Variants in THUMPD2 observed in about 807,000 individuals in gnomAD.
The protein encoded by THUMPD2 is THUMP domain 2 tRNA and snRNA guanosine methyltransferase.
In THUMPD2, 56 loss-of-function variants were observed where a neutral mutation model predicts 49.4. The ratio of observed to expected loss-of-function variants is 1.13; its 90% CI spans 0.91 to 1.41. The LOEUF is 1.41. Among genes scored for constraint, THUMPD2 ranks in the 40% most tolerant of loss-of-function variants. The pLI, the probability that THUMPD2 is intolerant of heterozygous loss-of-function variation, is 0.00. For synonymous variants in THUMPD2, 237 were observed against 205.2 expected (o/e 1.15, Z -1.32); for missense variants, 709 against 594.5 (o/e 1.19, Z -2.00).
At chr2:39,775,848 T>C (rs1210747625) in intron 1 of THUMPD2, among the ~76,000 whole-genome samples, 2 of 151,148 alleles carry the variant, frequency 1.3e-5, no homozygotes, top group Non-Finnish European at 2.9e-5. Flanking sequence ...AATTATTCCA[T>C]TAAATGAAAA....
intron 6 of THUMPD2, among the ~76,000 whole-genome samples, chr2:39,756,739 G>T (rs528415731): frequency 6.6e-6 from 1 of 151,986 alleles, no homozygotes; most frequent in East Asian, 1.9e-4. Flanking sequence ...ACAATTATAC[G>T]GTAACAATCA....
At chr2:39,769,265 A>T (rs1349164743) in intron 3 of THUMPD2, 1 of 307,598 alleles carries the variant, frequency 3.3e-6, no homozygotes, top group Non-Finnish European at 6.6e-6. Context: ...CATTCCTCTT[A>T]AACATCTGAG....
chr2:39,761,757 T>C (rs780628894), intron 5 of THUMPD2, among the ~76,000 whole-genome samples: 4 of 152,198 alleles, frequency 2.6e-5, no homozygotes, highest in Non-Finnish European at 5.9e-5. Context: ...TTTTGCTATT[T>C]GAAGTCATGA....
chr2:39,768,535 A>G (rs1218336692), intron 3 of THUMPD2, 34 bp from the exon 4 acceptor site: 1 of 1,546,248 alleles, frequency 6.5e-7, no homozygotes, highest in Admixed American at 1.8e-5. Context: ...AAAGAATACT[A>G]AAAATGAAAA....
In THUMPD2 at chr2:39,779,186, G is replaced by C. The variant is rs1180604504; in HGVS notation, c.54C>G (p.Phe18Leu). The change falls in exon 1 of 10, where the codon TTC becomes TTG. Residue 18 changes from phenylalanine to leucine, a missense_variant. Physicochemically the swap from Phe to Leu is conservative, Grantham distance 22. Transcript: ENST00000505747. ...PGSGPEAGAR[F>L]FCTAGRGLEP... ...CCAGGCCGCGACCCGCAGTGCAGAA[G>C]AATCGGGCGCCAGCCTCAGGCCCGG... 1.3e-6 allele frequency: 2 copies of C among 1,519,016 alleles called. No individual in the cohort carries two copies. Among genetic ancestry groups the C allele is most frequent in the Non-Finnish European group, 1.8e-6 (2 of 1,138,884 alleles). 94.1% of individuals were successfully genotyped at this position (1,519,016 alleles called of 1,614,324 possible). A position where few individuals can be genotyped will look rare whatever the true frequency, so the allele number is the denominator to read the frequency against.
rs1477082776 is a variant in THUMPD2, at chr2:39,771,607, T to C, written c.160A>G (p.Thr54Ala). The change falls in exon 2 of 10, where the codon ACC becomes GCC. Residue 54 changes from threonine (T) to alanine (A), a missense_variant. Transcript: ENST00000505747. ...TTCAACATATTCAAATCAGAACAGG[T>C]GGTGAAAAAAACCTTTCCTGAAATA... ...EYISGKVFFTTCSDLNMLKKL... is the reference protein window; with the variant it reads ...EYISGKVFFTACSDLNMLKKL... 6.2e-7 allele frequency: 1 copy of C among 1,604,866 alleles called. No homozygotes were observed. The highest frequency in any genetic ancestry group is 8.5e-7 in the Non-Finnish European group (1 of 1,177,450).
In THUMPD2 at chr2:39,779,169, C is replaced by CT; in HGVS notation, c.70_71insA (p.Arg24GlnfsTer21). ...TCGCATTACGAACGGCTCCAGGCCG[C>CT]GACCCGCAGTGCAGAAGAATCGGGC... is the stretch of plus-strand genomic sequence containing the variant. On this transcript the variant is annotated frameshift_variant, in exon 1 of 10. Transcript: ENST00000505747. LOFTEE classifies it high-confidence loss of function. 6.6e-7 allele frequency: 1 copy of CT among 1,520,592 alleles called. No homozygotes were observed. The highest frequency in any genetic ancestry group is 8.8e-7 in the Non-Finnish European group (1 of 1,139,506). 94.2% of individuals were successfully genotyped at this position (1,520,592 alleles called of 1,614,324 possible).
intron 9 of THUMPD2, among the ~76,000 whole-genome samples, chr2:39,740,845 G>A (rs952637205): frequency 6.6e-6 from 1 of 151,950 alleles, no homozygotes; most frequent in African/African-American, 2.4e-5. Context: ...TAGTGGGACT[G>A]AAGGTGCATG....
intron 8 of THUMPD2, 99 bp downstream of exon 8, chr2:39,755,195 TA>T (rs1239154555): frequency 3.9e-6 from 3 of 775,640 alleles, no homozygotes; most frequent in African/African-American, 1.9e-5. Context: ...TATTAAAGGG[TA>T]AAACCAACCT....
At position 39,765,454 on chromosome 2, in the gene THUMPD2, G is replaced by A. The variant is rs139373508; in HGVS notation, c.803+603C>T. On this transcript the variant is annotated intron_variant, in intron 5 of 9. Coordinates refer to ENST00000505747, the MANE Select transcript of THUMPD2 (RefSeq NM_025264.5). ...ATTACAGGTGTGAGCCACCGCGCCC[G>A]GTCCCTAAGTAAATTTTTTAGATAC... Among the ~76,000 whole-genome samples the A allele has an allele frequency of 1.5e-3, 229 of 151,936 alleles. 1 individual carries two copies. The highest frequency in any genetic ancestry group is 5.2e-3 in the African/African-American group (215 of 41,412).
intron 3 of THUMPD2, chr2:39,768,841 A>C (rs978124742): frequency 1.7e-6 from 2 of 1,150,204 alleles, no homozygotes; most frequent in Non-Finnish European, 2.3e-6. Context: ...AAGATTAACT[A>C]TGTCAGCTAC....
chr2:39,771,689 A>G (rs896023996), intron 1 of THUMPD2, 49 bp from the exon 2 acceptor site: 1 of 1,554,766 alleles, frequency 6.4e-7, no homozygotes, highest in South Asian at 1.2e-5. Context: ...CAGTGAAAAA[A>G]CCATATTTTT....
At position 39,755,354 on chromosome 2, in the gene THUMPD2, T is replaced by A. The variant is rs1239311084; in HGVS notation, c.1019A>T (p.Asp340Val). 1 of 1,552,200 alleles carries A rather than the reference T, an allele frequency of 6.4e-7. No homozygotes were observed. Among genetic ancestry groups the A allele is most frequent in the Non-Finnish European group, 8.6e-7 (1 of 1,159,960 alleles). The change falls in exon 8 of 10, where the codon GAC becomes GTC. Residue 340 changes from aspartate (D) to valine (V), a missense_variant. Physicochemically the swap from Asp to Val is radical, Grantham distance 152. Transcript: ENST00000505747. ...VSDSQLLGTW[D>V]NLKAAGLEDK... ...CTCAAGGCCTGCAGCTTTCAGATTG[T>A]CCCAAGTACCTAGTAACTGTGAGTC... is the stretch of plus-strand genomic sequence containing the variant.
At chr2:39,771,241 T>C (rs761455809) in intron 2 of THUMPD2, among the ~76,000 whole-genome samples, 3 of 152,130 alleles carry the variant, frequency 2.0e-5, no homozygotes, top group Non-Finnish European at 4.4e-5. Flanking sequence ...CTAGAGAAGG[T>C]ACCTGATCAT....
At chr2:39,766,243 C>A in intron 4 of THUMPD2, 134 bp from the exon 5 acceptor site, 2 of 520,440 alleles carry the variant, frequency 3.8e-6, no homozygotes, top group Non-Finnish European at 6.5e-6. Flanking sequence ...TTCATCATAT[C>A]TAGAAAAATG....
At chr2:39,739,996 G>A (rs1673688757) in intron 9 of THUMPD2, among the ~76,000 whole-genome samples, 1 of 152,166 alleles carries the variant, frequency 6.6e-6, no homozygotes, top group African/African-American at 2.4e-5. Context: ...TAGAATAACA[G>A]TGATAATAAT....
intron 9 of THUMPD2, among the ~76,000 whole-genome samples, chr2:39,743,577 T>C (rs1160352780): frequency 6.6e-6 from 1 of 152,174 alleles, no homozygotes; most frequent in Non-Finnish European, 1.5e-5. Context: ...ATGCCCTCCC[T>C]GTGAGGGGTG....
At position 39,768,502 on chromosome 2, in the gene THUMPD2, C is replaced by T; in HGVS notation, c.673-1G>A. 1 of 1,608,380 alleles carries T rather than the reference C, an allele frequency of 6.2e-7. No individual in the cohort carries two copies. The highest frequency in any genetic ancestry group is 8.5e-7 in the Non-Finnish European group (1 of 1,177,120). On this transcript the variant is annotated splice_acceptor_variant, in intron 3 of 9. Coordinates refer to ENST00000505747, the MANE Select transcript of THUMPD2 (RefSeq NM_025264.5). LOFTEE classifies it high-confidence loss of function. ...CAATTCCAATTACTTTTCCTACCTC[C>T]TGGAAAAGTACCAAGTTAAAGAAAA... is the stretch of plus-strand genomic sequence containing the variant.
intron 8 of THUMPD2, among the ~76,000 whole-genome samples, chr2:39,746,229 T>C (rs1028032230): frequency 2.0e-5 from 3 of 152,210 alleles, no homozygotes; most frequent in African/African-American, 7.2e-5. Context: ...TTCTCCCTCA[T>C]TCTTGGGCAT....
Sources: allele counts gnomAD v4.1 joint callset (sites outside exome capture counted in the v4.1 genomes callset), GRCh38; gene constraint gnomAD v4.1.1; transcripts MANE v1.5; gene names NCBI Gene and HGNC (gene_info 2026-07-23, HGNC 2026-07-21).